The following BRD3 variants were observed in gnomAD, a reference collection of about 807,000 sequenced individuals.
BRD3 encodes bromodomain containing 3, also known as bromodomain-containing protein 3.
BRD3 carries 17 observed loss-of-function variants against 66.8 expected under a neutral mutation model. The observed-to-expected ratio is 0.25, with a 90% CI of 0.17 to 0.38. BRD3 has a LOEUF of 0.38. Ranked by LOEUF, BRD3 falls within the 10% of genes least tolerant of loss-of-function variation. The pLI is 1.00. For missense variants in BRD3, 713 were observed against 956.1 expected (o/e 0.75, Z 3.35); for synonymous variants, 421 against 393.2 (o/e 1.07, Z -0.84).
At position 134,031,011 on chromosome 9, in the gene BRD3, G is replaced by A. The variant is rs897616362; in HGVS notation, c.*2579C>T. The A allele has an allele frequency of 8.7e-5, 20 of 230,372 alleles. No homozygotes were observed. The highest frequency in any genetic ancestry group is 2.9e-4 in the African/African-American group (13 of 45,136). The allele number at this position is 230,372 out of a possible 1,614,324, so 14.3% of individuals were successfully genotyped here. Reference sequence around the variant, plus strand: ...CGGACGTGACTGTCACCCTCAGCCCGCCAGCAAGGGCGCTGAGGAAGTCAT... The same window carrying A: ...CGGACGTGACTGTCACCCTCAGCCCACCAGCAAGGGCGCTGAGGAAGTCAT... On this transcript the variant is annotated 3_prime_UTR_variant, in exon 12 of 12. Transcript: ENST00000303407.
rs757441955 is a variant in BRD3 at position 134,031,187 on chromosome 9, C to T, written c.*2403G>A. 2.0e-4 allele frequency: 44 copies of T among 222,894 alleles called. No individual in the cohort carries two copies. Among genetic ancestry groups the T allele is most frequent in the Non-Finnish European group, 3.1e-4 (35 of 111,666 alleles). 13.8% of individuals were successfully genotyped at this position (222,894 alleles called of 1,614,324 possible). On this transcript the variant is annotated 3_prime_UTR_variant, in exon 12 of 12. Coordinates refer to ENST00000303407, the MANE Select transcript of BRD3 (RefSeq NM_007371.4). ...CTAGATGAAAGGAGCAGAGGCGAGC[C>T]GACGCCACCGTCACAGAGAACCAGC... is the stretch of plus-strand genomic sequence containing the variant.
chr9:134,044,245 G>A (rs1421483939), intron 7 of BRD3, among the ~76,000 whole-genome samples: 1 of 152,202 alleles, frequency 6.6e-6, no homozygotes, highest in Non-Finnish European at 1.5e-5. Flanking sequence ...CACAGAGAGG[G>A]TGGCAATGGC....
Position 134,033,837 on chromosome 9 carries a change from A to T in BRD3, c.2066-132T>A, listed in dbSNP as rs1373954003. The T allele has an allele frequency of 1.7e-6, 1 of 588,062 alleles. No homozygotes were observed. The highest frequency in any genetic ancestry group is 3.0e-6 in the Non-Finnish European group (1 of 328,676). The allele number at this position is 588,062 out of a possible 1,614,324, so 36.4% of individuals were successfully genotyped here. A position where few individuals can be genotyped will look rare whatever the true frequency, so the allele number is the denominator to read the frequency against. On this transcript the variant is annotated intron_variant, in intron 11 of 11. Transcript: ENST00000303407. The surrounding 1 kb of genome is among the most constrained non-coding windows in gnomAD (Gnocchi z 5.1). ...CACCCACTTCCTGACCCAGTCGTTT[A>T]ATAAGTATTTATTGAAATTAATCAG...
Position 134,039,931 on chromosome 9 carries a change from G to A in BRD3, c.1643+103C>T, listed in dbSNP as rs1391481354. On this transcript the variant is annotated intron_variant, in intron 9 of 11. Coordinates refer to ENST00000303407, the MANE Select transcript of BRD3 (RefSeq NM_007371.4). Reference sequence around the variant, plus strand: ...CTGCCCCCATCACCCTGGTTTCCAGGTGGCCAAGGCACAAAGCCCCCAATC... The same window carrying A: ...CTGCCCCCATCACCCTGGTTTCCAGATGGCCAAGGCACAAAGCCCCCAATC... 3 of 1,477,494 alleles carry A rather than the reference G, an allele frequency of 2.0e-6. No homozygotes were observed. The East Asian group carries it at 7.4e-5, about 36-fold the overall frequency. 91.5% of individuals were successfully genotyped at this position (1,477,494 alleles called of 1,614,324 possible).
At chr9:134,048,512 C>A in intron 5 of BRD3, 58 bp from the exon 6 acceptor site, 2 of 1,589,560 alleles carry the variant, frequency 1.3e-6, no homozygotes, top group South Asian at 2.2e-5. Context: ...AGACGCATGT[C>A]GCTGCAGCCG....
intron 9 of BRD3, among the ~76,000 whole-genome samples, chr9:134,039,606 C>T (rs113548969): frequency 3.9e-5 from 6 of 152,326 alleles, no homozygotes; most frequent in East Asian, 1.9e-4. Flanking sequence ...CCCTAGCAGA[C>T]GCTCCTCAGG....
intron 1 of BRD3, among the ~76,000 whole-genome samples, chr9:134,062,368 GCAGCTGC>G (rs1830562298): frequency 6.6e-6 from 1 of 152,122 alleles, no homozygotes; most frequent in South Asian, 2.1e-4. Flanking sequence ...CTGGGCAGGT[GCAGCTGC>G]CAGCGCTGCC....
intron 1 of BRD3, chr9:134,058,806 G>A (rs544109798): frequency 2.7e-3 from 409 of 152,406 alleles, no homozygotes; most frequent in Admixed American, 5.3e-3. Context: ...GTATCCCCTC[G>A]CTCAGCCCAC....
At chr9:134,034,585 G>T in intron 11 of BRD3, 116 bp downstream of exon 11, 1 of 1,391,210 alleles carries the variant, frequency 7.2e-7, no homozygotes, top group Non-Finnish European at 9.7e-7. Context: ...CTAAGAACAT[G>T]GAGCTCATCA....
At chr9:134,054,874 T>TCCCAC (rs1830382019) in intron 1 of BRD3, among the ~76,000 whole-genome samples, 1 of 150,366 alleles carries the variant, frequency 6.7e-6, no homozygotes, top group South Asian at 2.1e-4. Flanking sequence ...CCTCACTTCC[T>TCCCAC]CCCACCCCAC....
intron 5 of BRD3, 119 bp downstream of exon 5, chr9:134,050,255 C>T (rs1280353583): frequency 1.8e-5 from 16 of 891,798 alleles, no homozygotes; most frequent in Non-Finnish European, 2.7e-5. Context: ...CAGAGAGAAA[C>T]ACTCCCAAGA....
chr9:134,060,394 AC>A (rs572069334), intron 1 of BRD3, among the ~76,000 whole-genome samples: 38 of 152,284 alleles, frequency 2.5e-4, no homozygotes, highest in African/African-American at 9.1e-4. Flanking sequence ...GGAGTTCGAG[AC>A]CAGCCTGGGC....
rs1237682797 is a variant in BRD3, at chr9:134,051,865, GTGTGTGTGTGTGTTGTTTTTT to G, written c.352-177_352-157del. Among the ~76,000 whole-genome samples, 325 of 115,096 alleles carry G rather than the reference GTGTGTGTGTGTGTTGTTTTTT, an allele frequency of 2.8e-3. 9 individuals are homozygous for G. Among genetic ancestry groups the G allele is most frequent in the Middle Eastern group, 0.018 (4 of 222 alleles). 75.5% of individuals were successfully genotyped at this position (115,096 alleles called of 152,430 possible). ...TGAATATATGTGTGTGTGTGTGTGT[GTGTGTGTGTGTGTTGTTTTTT>G]TTGTTTTTTTTTTTTTTTTTTTGAG... On this transcript the variant is annotated intron_variant, in intron 3 of 11. Transcript: ENST00000303407.
intron 1 of BRD3, chr9:134,055,798 A>C (rs2069979689): frequency 6.5e-6 from 1 of 152,864 alleles, no homozygotes; most frequent in African/African-American, 2.4e-5. Flanking sequence ...GGGGGTGGTC[A>C]GGGCACAAAG....
intron 1 of BRD3, among the ~76,000 whole-genome samples, chr9:134,059,402 C>T (rs558892100): frequency 2.6e-5 from 4 of 152,284 alleles, no homozygotes; most frequent in African/African-American, 9.6e-5. Flanking sequence ...GGAAGTGGGG[C>T]AGGGGTGGGG....
At chr9:134,034,941 C>G in intron 10 of BRD3, 112 bp from the exon 11 acceptor site, 2 of 1,482,976 alleles carry the variant, frequency 1.3e-6, no homozygotes, top group Non-Finnish European at 1.8e-6. Context: ...TCCATGCCAG[C>G]TGCCCAGCTT....
In BRD3 at chr9:134,048,085, T is replaced by G; in HGVS notation, c.1084A>C (p.Lys362Gln). Residue 362 changes from lysine to glutamine, a missense_variant and splice_region_variant, in exon 6 of 12, where the codon AAA becomes CAA. By Grantham distance (53) the Lys-to-Gln change is moderately conservative. This residue lies in a region of BRD3 where 418 missense variants were observed against 609.3 expected (regional missense o/e 0.69). Transcript: ENST00000303407. Reference protein sequence around the residue: ...IKHPMDLSTVKRKMDGREYPD... With the variant: ...IKHPMDLSTVQRKMDGREYPD... ...GGGCCTGCCGCGCGGCCACGTACTT[T>G]CACGGTGCTGAGGTCCATCGGGTGC... The G allele has an allele frequency of 6.4e-7, 1 of 1,563,334 alleles. No individual in the cohort carries two copies. Among genetic ancestry groups the G allele is most frequent in the Non-Finnish European group, 8.7e-7 (1 of 1,152,610 alleles).
Position 134,045,161 on chromosome 9 carries a change from A to T in BRD3, c.1215+132T>A. On this transcript the variant is annotated intron_variant, in intron 7 of 11. Coordinates refer to ENST00000303407, the MANE Select transcript of BRD3 (RefSeq NM_007371.4). This position sits in a 1 kb window ranked among gnomAD's most constrained non-coding sequence, Gnocchi z 4.8. ...GGGACCTGGTTGGCACTCGGGAAAA[A>T]GGTGTTGAGGGAATGAGGCTCTCTA... 1.6e-6 allele frequency: 2 copies of T among 1,270,038 alleles called. No individual in the cohort carries two copies. The highest frequency in any genetic ancestry group is 2.1e-6 in the Non-Finnish European group (2 of 939,166). The allele number at this position is 1,270,038 out of a possible 1,614,324, so 78.7% of individuals were successfully genotyped here. A position where few individuals can be genotyped will look rare whatever the true frequency, so the allele number is the denominator to read the frequency against.
At chr9:134,056,252 C>T (rs1830422483) in intron 1 of BRD3, among the ~76,000 whole-genome samples, 1 of 152,238 alleles carries the variant, frequency 6.6e-6, no homozygotes, top group Non-Finnish European at 1.5e-5. Context: ...GTGGTCACTA[C>T]AGGCCCTGAG....
Sources: gnomAD v4.1 joint callset for allele counts (sites outside exome capture counted in the v4.1 genomes callset) on GRCh38, gnomAD v4.1.1 for gene constraint, gnomAD v4.1.1 regional missense constraint, Gnocchi (gnomAD v3.1) non-coding constraint, MANE v1.5 for transcripts, NCBI Gene and HGNC (gene_info 2026-07-23, HGNC 2026-07-21) for gene names.